Variants in MPHOSPH9 observed in about 807,000 individuals in gnomAD.
The protein encoded by MPHOSPH9 is M-phase phosphoprotein 9.
A neutral mutation model predicts 145.5 loss-of-function variants in MPHOSPH9; 88 were observed. The observed-to-expected ratio is 0.60, with a 90% confidence interval of 0.51 to 0.72. MPHOSPH9 has a LOEUF of 0.72. Ranked by LOEUF, MPHOSPH9 falls within the 30% of genes least tolerant of loss-of-function variation. The pLI is 0.00. For missense variants in MPHOSPH9, 1,238 were observed against 1,386.6 expected, an observed-to-expected ratio of 0.89 and a Z score of 1.70; for synonymous variants, 435 against 486.2, an observed-to-expected ratio of 0.89 and a Z score of 1.39.
At chr12:123,192,994 C>T (rs2045758308) in intron 13 of MPHOSPH9, among the ~76,000 whole-genome samples, 1 of 148,232 alleles carries the variant, frequency 6.7e-6, no homozygotes, top group African/African-American at 2.5e-5. Flanking sequence ...ATTGCTTGAA[C>T]CTGGGAGGCA....
intron 13 of MPHOSPH9, among the ~76,000 whole-genome samples, chr12:123,189,323 C>T (rs1282548449): frequency 6.6e-6 from 1 of 152,072 alleles, no homozygotes; most frequent in African/African-American, 2.4e-5. Context: ...CCTGCTGGGC[C>T]CAGTGCAAGC....
chr12:123,190,444 C>T (rs369007455), intron 13 of MPHOSPH9, among the ~76,000 whole-genome samples: 1 of 152,108 alleles, frequency 6.6e-6, no homozygotes, highest in Admixed American at 6.6e-5. Flanking sequence ...GCCACCACAC[C>T]CGGCCGGAGT....
intron 12 of MPHOSPH9, among the ~76,000 whole-genome samples, chr12:123,195,064 T>C (rs2045884362): frequency 6.6e-6 from 1 of 152,178 alleles, no homozygotes. Flanking sequence ...GAAAGAATAG[T>C]TCTACTGGAA....
intron 14 of MPHOSPH9, among the ~76,000 whole-genome samples, chr12:123,180,400 C>A (rs1327692625): frequency 6.6e-6 from 1 of 152,138 alleles, no homozygotes. Context: ...CTTCAATAAC[C>A]ACAACCCTCC....
At chr12:123,186,034 G>A (rs2045428180) in intron 13 of MPHOSPH9, among the ~76,000 whole-genome samples, 1 of 151,934 alleles carries the variant, frequency 6.6e-6, no homozygotes, top group African/African-American at 2.4e-5. Flanking sequence ...AGACCAGCCT[G>A]ACCAACATGG....
At chr12:123,166,866 G>A in intron 16 of MPHOSPH9, 77 bp from the exon 17 acceptor site, 1 of 1,441,882 alleles carries the variant, frequency 6.9e-7, no homozygotes, top group South Asian at 1.4e-5. Flanking sequence ...AAAACAATCT[G>A]CTCTCAAACA....
At chr12:123,192,677 A>G (rs548840112) in intron 13 of MPHOSPH9, among the ~76,000 whole-genome samples, 9 of 150,402 alleles carry the variant, frequency 6.0e-5, no homozygotes, top group Non-Finnish European at 1.3e-4. Flanking sequence ...AAGGAAATGT[A>G]ATATGTAATT....
intron 7 of MPHOSPH9, among the ~76,000 whole-genome samples, chr12:123,212,415 C>T (rs932695359): frequency 6.6e-6 from 1 of 152,074 alleles, no homozygotes; most frequent in African/African-American, 2.4e-5. Flanking sequence ...CACAGCCAGG[C>T]GCAATGACTC....
intron 16 of MPHOSPH9, among the ~76,000 whole-genome samples, chr12:123,173,480 T>C (rs1191739650): frequency 6.6e-6 from 1 of 152,130 alleles, no homozygotes; most frequent in Non-Finnish European, 1.5e-5. Flanking sequence ...TCAGAGAGGG[T>C]CCTGCCTCAT....
At chr12:123,189,868 G>A (rs886533843) in intron 13 of MPHOSPH9, among the ~76,000 whole-genome samples, 4 of 151,710 alleles carry the variant, frequency 2.6e-5, no homozygotes, top group African/African-American at 4.8e-5. Context: ...CCCGGGAGGC[G>A]GAGCTTGCAG....
intron 3 of MPHOSPH9, among the ~76,000 whole-genome samples, chr12:123,226,596 C>T (rs2047445286): frequency 6.6e-6 from 1 of 151,792 alleles, no homozygotes. Context: ...AAGCTATCCA[C>T]CTCTGCCTCA....
At chr12:123,242,843 G>A (rs755703855) in intron 1 of MPHOSPH9, among the ~76,000 whole-genome samples, 5 of 152,196 alleles carry the variant, frequency 3.3e-5, no homozygotes, top group African/African-American at 1.2e-4. Flanking sequence ...TTGTGCCAGC[G>A]CTGTCCTGCC....
chr12:123,208,182 C>G (rs1467206921), intron 8 of MPHOSPH9, among the ~76,000 whole-genome samples: 4 of 122,876 alleles, frequency 3.3e-5, no homozygotes, highest in African/African-American at 1.2e-4. Flanking sequence ...GACTGAGACT[C>G]CGTCTCAAAA....
At chr12:123,208,776 C>T (rs1442683344) in intron 8 of MPHOSPH9, among the ~76,000 whole-genome samples, 1 of 151,920 alleles carries the variant, frequency 6.6e-6, no homozygotes, top group Non-Finnish European at 1.5e-5. Flanking sequence ...GGGTCTCACT[C>T]TGTCACACAG....
chr12:123,241,158 G>T (rs1205950201), intron 1 of MPHOSPH9, among the ~76,000 whole-genome samples: 79 of 132,626 alleles, frequency 6.0e-4, no homozygotes, highest in South Asian at 1.7e-3. Flanking sequence ...TTTTGTTTTT[G>T]TTTTTTTTTT....
In MPHOSPH9 at chr12:123,161,966, C is replaced by T. The variant is rs117321959; in HGVS notation, c.3133+149G>A. The stretch of plus-strand genomic sequence containing the variant: ...GGATAACAACATTGACATAACAACA[C>T]GTAGCATCATGAGTGCTTAGTTTCA... On this transcript the variant is annotated intron_variant, in intron 21 of 23. Coordinates refer to ENST00000606320, the MANE Select transcript of MPHOSPH9 (RefSeq NM_022782.4). The T allele has an allele frequency of 5.1e-4, 240 of 466,912 alleles. 1 individual carries two copies. Among genetic ancestry groups the T allele is most frequent in the Admixed American group, 1.5e-3 (38 of 26,204 alleles). 28.9% of individuals were successfully genotyped at this position (466,912 alleles called of 1,614,324 possible). A position where few individuals can be genotyped will look rare whatever the true frequency, so the allele number is the denominator to read the frequency against.
chr12:123,217,305 C>A (rs1012916320), intron 6 of MPHOSPH9, among the ~76,000 whole-genome samples: 1 of 151,738 alleles, frequency 6.6e-6, no homozygotes, highest in African/African-American at 2.4e-5. Context: ...TCAAGTGATT[C>A]TCCTGCCTCA....
chr12:123,230,356 C>T lies in MPHOSPH9; in HGVS notation c.9G>A (p.Glu3=), dbSNP rs1343753155. 1.3e-6 allele frequency: 2 copies of T among 1,524,720 alleles called. No individual in the cohort carries two copies. Among genetic ancestry groups the T allele is most frequent in the Middle Eastern group, 1.7e-4 (1 of 5,958 alleles). The allele number at this position is 1,524,720 out of a possible 1,614,324, so 94.4% of individuals were successfully genotyped here. ME[E]FDLVKTLHKT... Reference sequence around the variant, plus strand: ...TGTGTAAGGTTTTCACCAAGTCAAACTCTTCCATAGTGTACAGAAATTGTT... The same window carrying T: ...TGTGTAAGGTTTTCACCAAGTCAAATTCTTCCATAGTGTACAGAAATTGTT... Residue 3 remains glutamate (E), a synonymous_variant, in exon 2 of 24, where the codon GAG becomes GAA. Coordinates refer to ENST00000606320, the MANE Select transcript of MPHOSPH9 (RefSeq NM_022782.4).
chr12:123,160,066 T>C (rs2137859726), intron 23 of MPHOSPH9: 1 of 152,274 alleles, frequency 6.6e-6, no homozygotes, highest in East Asian at 1.9e-4. Flanking sequence ...AGACGGGGTT[T>C]CACCATGTGG....
Sources: allele counts gnomAD v4.1 joint callset (sites outside exome capture counted in the v4.1 genomes callset), GRCh38; gene constraint gnomAD v4.1.1; transcripts MANE v1.5; gene names NCBI Gene and HGNC (gene_info 2026-07-23, HGNC 2026-07-21).